LPP: variants seen among roughly 807,000 people sequenced by gnomAD.
The protein encoded by LPP is LIM domain containing preferred translocation partner in lipoma.
Under a neutral mutation model 60.4 loss-of-function variants are expected in LPP, and 38 were observed. The observed-to-expected ratio is 0.63, with a 90% CI of 0.49 to 0.83. The LOEUF (loss-of-function observed/expected upper bound fraction) is 0.83. LPP is among the 40% of genes least tolerant of loss of function. The pLI, the probability that LPP is intolerant of heterozygous loss-of-function variation, is 0.00. For synonymous variants in LPP, 328 were observed against 290.8 expected, an observed-to-expected ratio of 1.13 and a Z score of -1.30; for missense variants, 902 against 783.6, an observed-to-expected ratio of 1.15 and a Z score of -1.80.
At chr3:188,569,497 A>T (rs373569820) in intron 6 of LPP, among the ~76,000 whole-genome samples, 6 of 152,164 alleles carry the variant, frequency 3.9e-5, no homozygotes, top group African/African-American at 1.4e-4. Context: ...AGCAATAGCC[A>T]ATTATTTCTG....
intron 7 of LPP, among the ~76,000 whole-genome samples, chr3:188,618,005 A>C (rs563465769): frequency 6.6e-6 from 1 of 152,324 alleles, no homozygotes; most frequent in African/African-American, 2.4e-5. Context: ...CCAAACAAAG[A>C]AATTTGAACC....
At chr3:188,166,230 T>A (rs373806377) in intron 1 of LPP, among the ~76,000 whole-genome samples, 14 of 152,266 alleles carry the variant, frequency 9.2e-5, no homozygotes, top group African/African-American at 3.4e-4. Flanking sequence ...AAGAGACTTA[T>A]AACAGTCTTA....
At chr3:188,277,804 CCA>C (rs1174628289) in intron 2 of LPP, among the ~76,000 whole-genome samples, 4 of 152,188 alleles carry the variant, frequency 2.6e-5, no homozygotes, top group Non-Finnish European at 5.9e-5. Flanking sequence ...TCCATATTGA[CCA>C]CACGGTTGAT....
chr3:188,399,561 T>G (rs143539790), intron 3 of LPP, among the ~76,000 whole-genome samples: 2 of 152,342 alleles, frequency 1.3e-5, no homozygotes, highest in East Asian at 3.9e-4. Flanking sequence ...ATTTATTCAG[T>G]GCACACTGAC....
chr3:188,627,604 A>G (rs1302921154), intron 7 of LPP, among the ~76,000 whole-genome samples: 2 of 152,200 alleles, frequency 1.3e-5, no homozygotes, highest in African/African-American at 4.8e-5. Flanking sequence ...AACAGTTCTA[A>G]GTATGTATGC....
At chr3:188,780,710 C>T (rs1213941444) in intron 9 of LPP, among the ~76,000 whole-genome samples, 2 of 152,160 alleles carry the variant, frequency 1.3e-5, no homozygotes, top group Non-Finnish European at 2.9e-5. Context: ...TCCACACATC[C>T]CCCCTCAGGA....
chr3:188,651,983 T>G (rs941904245), intron 7 of LPP, among the ~76,000 whole-genome samples: 2 of 152,222 alleles, frequency 1.3e-5, no homozygotes, highest in African/African-American at 2.4e-5. Context: ...AGCAGTTAAA[T>G]GACTTTTTCA....
At chr3:188,275,918 C>T (rs1739509691) in intron 2 of LPP, among the ~76,000 whole-genome samples, 1 of 152,196 alleles carries the variant, frequency 6.6e-6, no homozygotes, top group African/African-American at 2.4e-5. Flanking sequence ...CCGTGATCCT[C>T]CTGCCTCAGC....
chr3:188,394,766 C>T (rs1464510), intron 3 of LPP, among the ~76,000 whole-genome samples: 1,581 of 152,010 alleles, frequency 0.01, 32 homozygotes, highest in African/African-American at 0.036. Flanking sequence ...TGATTTGAAA[C>T]AGCCTGGTTC....
At chr3:188,288,199 T>C (rs541924992) in intron 2 of LPP, among the ~76,000 whole-genome samples, 17 of 152,328 alleles carry the variant, frequency 1.1e-4, no homozygotes, top group African/African-American at 3.6e-4. Context: ...TGGAAAATTG[T>C]CCACATCCCT....
intron 2 of LPP, 36 bp from the exon 3 acceptor site, chr3:188,341,627 G>T: frequency 1.2e-6 from 1 of 865,876 alleles, no homozygotes; most frequent in Non-Finnish European, 1.4e-6. Flanking sequence ...TTGGTGTCTG[G>T]AAGTAATTTT....
intron 2 of LPP, among the ~76,000 whole-genome samples, chr3:188,320,470 T>C (rs559453937): frequency 3.9e-5 from 6 of 152,244 alleles, no homozygotes; most frequent in Middle Eastern, 3.4e-3. Context: ...AACCCAGGCA[T>C]TGGGGCCTGT....
chr3:188,157,764 T>C (rs4234604), intron 1 of LPP, among the ~76,000 whole-genome samples: 108,803 of 151,454 alleles, frequency 0.72, 39,558 homozygotes, highest in East Asian at 0.99. Flanking sequence ...TGCTCTTCAC[T>C]GAGAAGGCTC....
intron 4 of LPP, among the ~76,000 whole-genome samples, chr3:188,448,836 G>C (rs114108916): frequency 6.6e-6 from 1 of 152,150 alleles, no homozygotes; most frequent in African/African-American, 2.4e-5. Context: ...TTGTTGAAAC[G>C]TGCTTTTCTG....
At chr3:188,431,100 A>G (rs1164017823) in intron 4 of LPP, among the ~76,000 whole-genome samples, 2 of 152,098 alleles carry the variant, frequency 1.3e-5, no homozygotes, top group South Asian at 2.1e-4. Context: ...TTCAGATGAA[A>G]ATTAACCTGC....
At chr3:188,775,938 G>C (rs188024664) in intron 9 of LPP, among the ~76,000 whole-genome samples, 8 of 152,348 alleles carry the variant, frequency 5.3e-5, no homozygotes, top group Admixed American at 2.0e-4. Context: ...CTTGGGAAAA[G>C]TGAGTGTTTA....
intron 6 of LPP, among the ~76,000 whole-genome samples, chr3:188,591,413 C>A (rs1285967468): frequency 6.6e-6 from 1 of 152,152 alleles, no homozygotes; most frequent in Non-Finnish European, 1.5e-5. Flanking sequence ...CATAATGTTT[C>A]CATTAAACCA....
intron 4 of LPP, among the ~76,000 whole-genome samples, chr3:188,407,876 C>T (rs980213836): frequency 4.7e-5 from 7 of 149,422 alleles, no homozygotes; most frequent in Admixed American, 2.0e-4. Flanking sequence ...CTGCAACCTC[C>T]GCTTCCCGGG....
At chr3:188,304,707 G>A (rs957813187) in intron 2 of LPP, among the ~76,000 whole-genome samples, 12 of 152,082 alleles carry the variant, frequency 7.9e-5, no homozygotes, top group African/African-American at 2.7e-4. Context: ...GAAATATCTT[G>A]AGCATCTTTT....
Sources: allele counts gnomAD v4.1 joint callset (sites outside exome capture counted in the v4.1 genomes callset), GRCh38; gene constraint gnomAD v4.1.1; transcripts MANE v1.5; gene names NCBI Gene and HGNC (gene_info 2026-07-23, HGNC 2026-07-21).